CAMK1D: variants seen among roughly 807,000 people sequenced by gnomAD.
The protein encoded by CAMK1D is calcium/calmodulin-dependent protein kinase type 1D.
Under a neutral mutation model 47.7 loss-of-function variants are expected in CAMK1D, and 9 were observed. The ratio of observed to expected loss-of-function variants is 0.19; its 90% confidence interval spans 0.11 to 0.33. CAMK1D has a LOEUF of 0.33. CAMK1D is among the 10% of genes least tolerant of loss of function. CAMK1D has a pLI of 1.00. For missense variants in CAMK1D, 291 were observed against 488.7 expected, an observed-to-expected ratio of 0.60 and a Z score of 3.81; for synonymous variants, 184 against 184.9, an observed-to-expected ratio of 0.99 and a Z score of 0.04.
chr10:12,477,496 AGGAGGC>A (rs1379620588), intron 1 of CAMK1D, among the ~76,000 whole-genome samples: 1 of 152,230 alleles, frequency 6.6e-6, no homozygotes, highest in Non-Finnish European at 1.5e-5. Flanking sequence ...GGGCACGATT[AGGAGGC>A]GGAGTCTCCC....
intron 2 of CAMK1D, among the ~76,000 whole-genome samples, chr10:12,650,893 G>T (rs987342142): frequency 6.6e-6 from 1 of 152,130 alleles, no homozygotes; most frequent in African/African-American, 2.4e-5. Flanking sequence ...CCCATCAGGG[G>T]GTTCATCTCG....
intron 1 of CAMK1D, among the ~76,000 whole-genome samples, chr10:12,485,820 G>T (rs900636000): frequency 6.6e-6 from 1 of 152,154 alleles, no homozygotes; most frequent in Admixed American, 6.5e-5. Flanking sequence ...ATTAACTAGG[G>T]CTTAAGACCT....
At chr10:12,530,614 C>T (rs17571397) in intron 1 of CAMK1D, among the ~76,000 whole-genome samples, 34,745 of 152,106 alleles carry the variant, frequency 0.23, 4,488 homozygotes, top group South Asian at 0.3. Context: ...GGAGAATTGA[C>T]GGGGATTCCA....
intron 5 of CAMK1D, among the ~76,000 whole-genome samples, chr10:12,779,440 T>C (rs531508963): frequency 6.6e-6 from 1 of 152,276 alleles, no homozygotes; most frequent in Admixed American, 6.5e-5. Flanking sequence ...TCTTTATCTT[T>C]TCTTTTTTCA....
At chr10:12,472,671 G>A (rs1026365265) in intron 1 of CAMK1D, among the ~76,000 whole-genome samples, 5 of 151,938 alleles carry the variant, frequency 3.3e-5, no homozygotes, top group Non-Finnish European at 7.4e-5. Flanking sequence ...ACAGGCATGC[G>A]CCACCCCGCC....
At chr10:12,696,473 G>T (rs1833302123) in intron 3 of CAMK1D, among the ~76,000 whole-genome samples, 1 of 152,110 alleles carries the variant, frequency 6.6e-6, no homozygotes, top group Non-Finnish European at 1.5e-5. Context: ...GCGGGCCGAG[G>T]TTGCAGTGAG....
At chr10:12,466,657 G>A (rs1222086236) in intron 1 of CAMK1D, among the ~76,000 whole-genome samples, 2 of 150,566 alleles carry the variant, frequency 1.3e-5, no homozygotes, top group African/African-American at 4.9e-5. Flanking sequence ...GTAAGTAACA[G>A]ATGAGATAAT....
At chr10:12,373,424 G>C (rs35216106) in intron 1 of CAMK1D, among the ~76,000 whole-genome samples, 1 of 151,910 alleles carries the variant, frequency 6.6e-6, no homozygotes, top group Non-Finnish European at 1.5e-5. Flanking sequence ...CTGAGGTCGG[G>C]AGTTTGAGAC....
At chr10:12,489,370 C>T (rs1191894400) in intron 1 of CAMK1D, among the ~76,000 whole-genome samples, 4 of 152,154 alleles carry the variant, frequency 2.6e-5, no homozygotes, top group African/African-American at 9.7e-5. Context: ...TGAAGCCAGG[C>T]AGGAGAGGAG....
At chr10:12,557,849 A>G (rs1371099178) in intron 2 of CAMK1D, among the ~76,000 whole-genome samples, 1 of 152,172 alleles carries the variant, frequency 6.6e-6, no homozygotes, top group Non-Finnish European at 1.5e-5. Flanking sequence ...GCCCCCCTTT[A>G]TGCTGAGTTT....
At position 12,565,696 on chromosome 10, in the gene CAMK1D, A is replaced by G. The variant is rs565160621; in HGVS notation, c.224+12340A>G. The stretch of plus-strand genomic sequence containing the variant: ...CATTTAATCGTCACCATAAACCTGT[A>G]AAGTGGATATTATGATCTGCATTTC... On this transcript the variant is annotated intron_variant, in intron 2 of 10. Transcript: ENST00000619168. Among the ~76,000 whole-genome samples, 59 of 152,354 alleles carry G rather than the reference A, an allele frequency of 3.9e-4. No homozygotes were observed. The South Asian group carries it at 0.012, about 32-fold the overall frequency.
chr10:12,479,186 C>T (rs1173167441), intron 1 of CAMK1D, among the ~76,000 whole-genome samples: 2 of 151,932 alleles, frequency 1.3e-5, no homozygotes, highest in Non-Finnish European at 2.9e-5. Flanking sequence ...GGAGAAGCTG[C>T]ATTTTTTTTT....
chr10:12,504,239 C>CACAG (rs1303156874), intron 1 of CAMK1D, among the ~76,000 whole-genome samples: 160 of 151,978 alleles, frequency 1.1e-3, no homozygotes, highest in African/African-American at 3.7e-3. Flanking sequence ...CACACACACA[C>CACAG]ACACACACAC....
chr10:12,704,971 T>G (rs1310066361), intron 3 of CAMK1D, among the ~76,000 whole-genome samples: 1 of 152,196 alleles, frequency 6.6e-6, no homozygotes, highest in African/African-American at 2.4e-5. Context: ...AGGCAGTGGC[T>G]AGGCTCTCTT....
At chr10:12,545,453 TAAAAAAAAAAAAA>T (rs59666684) in intron 1 of CAMK1D, among the ~76,000 whole-genome samples, 3 of 52,300 alleles carry the variant, frequency 5.7e-5, no homozygotes, top group Non-Finnish European at 3.4e-5. Flanking sequence ...CATCTCACAG[TAAAAAAAAAAAAA>T]AAAAAAAAAA....
At chr10:12,462,971 T>C (rs1392866475) in intron 1 of CAMK1D, among the ~76,000 whole-genome samples, 1 of 152,194 alleles carries the variant, frequency 6.6e-6, no homozygotes, top group African/African-American at 2.4e-5. Context: ...GAGCACTCTA[T>C]CTGGGCTGGA....
At chr10:12,714,109 G>A (rs1834031064) in intron 3 of CAMK1D, among the ~76,000 whole-genome samples, 1 of 152,214 alleles carries the variant, frequency 6.6e-6, no homozygotes, top group South Asian at 2.1e-4. Flanking sequence ...ATGTAGCCAG[G>A]ACTCTGCTTT....
At chr10:12,536,711 G>A (rs1004288596) in intron 1 of CAMK1D, among the ~76,000 whole-genome samples, 7 of 152,158 alleles carry the variant, frequency 4.6e-5, no homozygotes, top group South Asian at 4.1e-4. Flanking sequence ...ACAATGTAGC[G>A]GTTAGTGTTG....
chr10:12,615,735 T>TG (rs779135760), intron 2 of CAMK1D, among the ~76,000 whole-genome samples: 156 of 151,876 alleles, frequency 1.0e-3, no homozygotes, highest in South Asian at 4.2e-3. Context: ...TGTGCATGTG[T>TG]GTGGGGGTGT....
Sources: gnomAD v4.1 joint callset for allele counts (sites outside exome capture counted in the v4.1 genomes callset) on GRCh38, gnomAD v4.1.1 for gene constraint, MANE v1.5 for transcripts, NCBI Gene and HGNC (gene_info 2026-07-23, HGNC 2026-07-21) for gene names.